The following TOX4 variants were observed in gnomAD, a reference collection of about 807,000 sequenced individuals.
The protein encoded by TOX4 is TOX high mobility group box family member 4.
In TOX4, 12 loss-of-function variants were observed where a neutral mutation model predicts 61.0. That is an observed-to-expected ratio of 0.20 (90% confidence interval 0.13 to 0.32). TOX4 has a LOEUF of 0.32. Among genes scored for constraint, TOX4 ranks in the 10% least tolerant of loss-of-function variants. TOX4 has a pLI of 1.00. For synonymous variants in TOX4, 268 were observed against 274.8 expected (o/e 0.98, Z 0.24); for missense variants, 499 against 753.3 (o/e 0.66, Z 3.95).
intron 2 of TOX4, among the ~76,000 whole-genome samples, chr14:21,479,331 T>C (rs888018274): frequency 5.3e-5 from 8 of 150,212 alleles, no homozygotes; most frequent in Non-Finnish European, 1.0e-4. Flanking sequence ...TCTGTCTCTA[T>C]AAAAGATAAT....
At chr14:21,494,786 ATG>A (rs1891366131) in intron 7 of TOX4, among the ~76,000 whole-genome samples, 1 of 144,236 alleles carries the variant, frequency 6.9e-6, no homozygotes, top group Admixed American at 6.9e-5. Context: ...GGGCACGGTG[ATG>A]GGCGCCTGTA....
intron 7 of TOX4, among the ~76,000 whole-genome samples, 178 bp from the exon 8 acceptor site, chr14:21,495,051 G>C (rs1891371813): frequency 6.6e-6 from 1 of 152,144 alleles, no homozygotes; most frequent in Non-Finnish European, 1.5e-5. Flanking sequence ...GCTTGGCAAA[G>C]TTCTGAAGCT....
In TOX4 at chr14:21,492,276, TTA is replaced by T; in HGVS notation, c.811-19_811-18del. 6.3e-7 allele frequency: 1 copy of T among 1,593,598 alleles called. No homozygotes were observed. Among genetic ancestry groups the T allele is most frequent in the South Asian group, 1.2e-5 (1 of 86,408 alleles). On this transcript the variant is annotated intron_variant, in intron 5 of 8. Coordinates refer to ENST00000448790, the MANE Select transcript of TOX4 (RefSeq NM_014828.4). ...AGTATGGGGAGTTTTGTTTTTTTTT[TTA>T]AAGTCTCTTTTTTGCAGGTATATAA...
chr14:21,479,976 A>G (rs79408522), intron 2 of TOX4, among the ~76,000 whole-genome samples: 7 of 152,172 alleles, frequency 4.6e-5, no homozygotes, highest in African/African-American at 7.2e-5. Context: ...AGCCACATTT[A>G]AAAAAGTGGT....
chr14:21,480,958 C>T (rs971803888), intron 2 of TOX4, among the ~76,000 whole-genome samples: 1 of 151,954 alleles, frequency 6.6e-6, no homozygotes, highest in Non-Finnish European at 1.5e-5. Context: ...GGTGTGGCAG[C>T]GCATGCCTGT....
chr14:21,487,863 A>G (rs948486752), intron 3 of TOX4, 170 bp downstream of exon 3: 1 of 671,114 alleles, frequency 1.5e-6, no homozygotes, highest in Non-Finnish European at 2.2e-6. Context: ...TTTACCATGT[A>G]GGTAGATTTT....
chr14:21,492,698 G>A lies in TOX4; in HGVS notation c.1082G>A (p.Gly361Asp). ...AACCAGGCATCTTCTGGAGCTGGGGGTCAGCCCAATATCACCAAGTTGATT... is the reference window on the plus strand; with the variant it reads ...AACCAGGCATCTTCTGGAGCTGGGGATCAGCCCAATATCACCAAGTTGATT... Reference protein sequence around the residue: ...VANQASSGAGGQPNITKLIIT... With the variant: ...VANQASSGAGDQPNITKLIIT... Residue 361 changes from glycine to aspartate, a missense_variant, in exon 7 of 9, where the codon GGT becomes GAT. Physicochemically the swap from Gly to Asp is moderately conservative, Grantham distance 94. Around this residue, in one of 7 missense-constraint regions of TOX4, gnomAD observed 296 missense variants for 404.7 expected, o/e 0.73. Transcript: ENST00000448790. The A allele has an allele frequency of 6.2e-7, 1 of 1,614,048 alleles. No homozygotes were observed. The highest frequency in any genetic ancestry group is 8.5e-7 in the Non-Finnish European group (1 of 1,180,028).
intron 2 of TOX4, among the ~76,000 whole-genome samples, chr14:21,483,421 A>G (rs1437982883): frequency 6.6e-6 from 1 of 150,910 alleles, no homozygotes; most frequent in Non-Finnish European, 1.5e-5. Flanking sequence ...AATTTGGTAA[A>G]AATCTTTGTA....
rs756038653 is a variant in TOX4, at chr14:21,495,291, C to G, written c.1704C>G (p.Pro568=). The part of the protein sequence containing the change: ...LVSGSPVALS[P]QPRCVRSGCE... ...GTGGGTCTCCTGTGGCACTCTCACC[C>G]CAGCCTCGATGTGTGAGGTCTGGTT... is the stretch of plus-strand genomic sequence containing the variant. The change falls in exon 8 of 9, where the codon CCC becomes CCG. Residue 568 remains proline (P), a synonymous_variant. Transcript: ENST00000448790. 3 of 1,614,120 alleles carry G rather than the reference C, an allele frequency of 1.9e-6. No homozygotes were observed. The highest frequency in any genetic ancestry group is 2.5e-6 in the Non-Finnish European group (3 of 1,180,016).
chr14:21,477,612 T>C (rs1409910544), intron 2 of TOX4, 48 bp downstream of exon 2: 1 of 1,601,892 alleles, frequency 6.2e-7, no homozygotes, highest in Non-Finnish European at 8.5e-7. Flanking sequence ...GAGGCAGCGG[T>C]GGGGTAGGGT....
intron 4 of TOX4, 30 bp from the exon 5 acceptor site, chr14:21,489,143 G>A: frequency 6.2e-7 from 1 of 1,602,092 alleles, no homozygotes. Context: ...ATTGTCCATT[G>A]TGTAATTCTC....
chr14:21,496,724 C>G lies in TOX4; in HGVS notation c.*118C>G. ...CTCATCACAACCCATGATGGCTGTT[C>G]ATGTTTCACCCCTTTTCTTCCTTCA... On this transcript the variant is annotated 3_prime_UTR_variant, in exon 9 of 9. Transcript: ENST00000448790. The G allele has an allele frequency of 2.4e-6, 2 of 832,998 alleles. No homozygotes were observed. Among genetic ancestry groups the G allele is most frequent in the South Asian group, 1.5e-5 (1 of 64,858 alleles). The allele number at this position is 832,998 out of a possible 1,614,324, so 51.6% of individuals were successfully genotyped here. A position where few individuals can be genotyped will look rare whatever the true frequency, so the allele number is the denominator to read the frequency against.
At chr14:21,487,904 T>A (rs1327054883) in intron 3 of TOX4, 2 of 504,350 alleles carry the variant, frequency 4.0e-6, no homozygotes, top group Non-Finnish European at 6.2e-6. Context: ...TTGTACAATG[T>A]CTGGTTTGAA....
chr14:21,479,073 A>G (rs984022073), intron 2 of TOX4, among the ~76,000 whole-genome samples: 4 of 150,576 alleles, frequency 2.7e-5, no homozygotes, highest in African/African-American at 9.8e-5. Flanking sequence ...AGCCTCCTAA[A>G]GTGCTAGGAT....
chr14:21,479,432 C>T (rs1181541168), intron 2 of TOX4, among the ~76,000 whole-genome samples: 1 of 151,828 alleles, frequency 6.6e-6, no homozygotes, highest in Non-Finnish European at 1.5e-5. Flanking sequence ...GGGCGGATCA[C>T]GAGGTCAGGA....
intron 6 of TOX4, 27 bp from the exon 7 acceptor site, chr14:21,492,481 G>T (rs1891311852): frequency 4.3e-6 from 7 of 1,611,378 alleles, no homozygotes; most frequent in South Asian, 1.1e-5. Context: ...TTGATTAATT[G>T]ATAGATTGAT....
rs1418801048 is a variant in TOX4, at chr14:21,492,671, C to T, written c.1055C>T (p.Ala352Val). ...AACTCCACCCTTTCATCCTATGTGG[C>T]AAACCAGGCATCTTCTGGAGCTGGG... Reference protein sequence around the residue: ...VVNSTLSSYVANQASSGAGGQ... With the variant: ...VVNSTLSSYVVNQASSGAGGQ... Residue 352 changes from alanine (A) to valine (V), a missense_variant, in exon 7 of 9, where the codon GCA (alanine) becomes GTA (valine). This residue lies in a region of TOX4 where 296 missense variants were observed against 404.7 expected (regional missense o/e 0.73). Coordinates refer to ENST00000448790, the MANE Select transcript of TOX4 (RefSeq NM_014828.4). The T allele has an allele frequency of 6.2e-7, 1 of 1,614,008 alleles. No individual in the cohort carries two copies. The highest frequency in any genetic ancestry group is 2.2e-5 in the East Asian group (1 of 44,880).
chr14:21,493,436 G>A (rs752416916), intron 7 of TOX4, among the ~76,000 whole-genome samples, 179 bp downstream of exon 7: 1 of 149,178 alleles, frequency 6.7e-6, no homozygotes, highest in Non-Finnish European at 1.5e-5. Flanking sequence ...TACTCATACT[G>A]TTTTTTTTTT....
intron 2 of TOX4, among the ~76,000 whole-genome samples, chr14:21,481,429 T>C (rs1228228364): frequency 6.6e-6 from 1 of 152,204 alleles, no homozygotes; most frequent in Non-Finnish European, 1.5e-5. Flanking sequence ...TCCACCTGCC[T>C]CAACCTCCCA....
Sources: gnomAD v4.1 joint callset for allele counts (sites outside exome capture counted in the v4.1 genomes callset) on GRCh38, gnomAD v4.1.1 for gene constraint, gnomAD v4.1.1 regional missense constraint, MANE v1.5 for transcripts, NCBI Gene and HGNC (gene_info 2026-07-23, HGNC 2026-07-21) for gene names.